Variants in AIG1 observed in about 807,000 individuals in gnomAD.
AIG1 encodes the protein androgen induced 1, also known as androgen-induced gene 1 protein.
AIG1 carries 23 observed loss-of-function variants against 31.4 expected under a neutral mutation model. The observed-to-expected ratio is 0.73, with a 90% confidence interval of 0.53 to 1.04. The LOEUF is 1.04. Among genes scored for constraint, AIG1 ranks in the 50% least tolerant of loss-of-function variants. AIG1 has a pLI of 0.00. For synonymous variants in AIG1, 100 were observed against 110.5 expected (o/e 0.90, Z 0.60); for missense variants, 274 against 295.0 (o/e 0.93, Z 0.52).
intron 1 of AIG1, chr6:143,094,089 C>T (rs1779539533): frequency 6.6e-6 from 1 of 152,284 alleles, no homozygotes; most frequent in Non-Finnish European, 1.5e-5. Flanking sequence ...GCCACAAAAC[C>T]TTTAATTTGT....
chr6:143,125,297 G>A (rs1782600903), intron 1 of AIG1, among the ~76,000 whole-genome samples: 1 of 152,168 alleles, frequency 6.6e-6, no homozygotes, highest in Admixed American at 6.5e-5. Flanking sequence ...AGCAAAAGGA[G>A]ATACTGCTAA....
At position 143,279,706 on chromosome 6, in the gene AIG1, G is replaced by T. The variant is rs914362934; in HGVS notation, c.400-4404G>T. Among the ~76,000 whole-genome samples, 2 of 152,168 alleles carry T rather than the reference G, an allele frequency of 1.3e-5. No individual in the cohort carries two copies. The highest frequency in any genetic ancestry group is 2.4e-5 in the African/African-American group (1 of 41,452). Reference sequence around the variant, plus strand: ...CGCTCCATCACGGGGGACCCACCAAGACCCCATTAAGAAAAGCACAAATGA... The same window carrying T: ...CGCTCCATCACGGGGGACCCACCAATACCCCATTAAGAAAAGCACAAATGA... On this transcript the variant is annotated intron_variant, in intron 3 of 5. Transcript: ENST00000357847. The surrounding 1 kb of genome is among the most constrained non-coding windows in gnomAD (Gnocchi z 5.4).
chr6:143,232,941 C>T (rs548222147), intron 3 of AIG1, among the ~76,000 whole-genome samples: 26 of 152,280 alleles, frequency 1.7e-4, no homozygotes, highest in Admixed American at 6.5e-4. Context: ...CTGGCCATGC[C>T]TCCTGTTTCT....
chr6:143,206,311 G>T (rs1165495263), intron 3 of AIG1, among the ~76,000 whole-genome samples: 1 of 152,168 alleles, frequency 6.6e-6, no homozygotes, highest in African/African-American at 2.4e-5. Context: ...TCTCAAGGTA[G>T]TTCTTAATCT....
chr6:143,136,286 A>G (rs933496231), intron 1 of AIG1, among the ~76,000 whole-genome samples: 1 of 152,164 alleles, frequency 6.6e-6, no homozygotes, highest in African/African-American at 2.4e-5. Flanking sequence ...TTTATGACTC[A>G]AGGACCCACT....
At chr6:143,308,855 G>A (rs1775020582) in intron 4 of AIG1, among the ~76,000 whole-genome samples, 1 of 152,004 alleles carries the variant, frequency 6.6e-6, no homozygotes, top group South Asian at 2.1e-4. Context: ...GCATTGTATG[G>A]CTTTCCCTTG....
At position 143,220,971 on chromosome 6, in the gene AIG1, T is replaced by A. The variant is rs1430888182; in HGVS notation, c.399+55788T>A. The stretch of plus-strand genomic sequence containing the variant: ...ACGTGGCCTAAGAATGGACTTGGGG[T>A]CTGGATATCACTAGTTTTTATTGTT... On this transcript the variant is annotated intron_variant, in intron 3 of 5. Transcript: ENST00000357847. 2.6e-5 allele frequency among the ~76,000 whole-genome samples: 4 copies of A among 152,104 alleles called. No homozygotes were observed. The East Asian group carries it at 7.7e-4, about 29-fold the overall frequency.
chr6:143,336,610 TG>T (rs1243436390), intron 5 of AIG1, among the ~76,000 whole-genome samples: 1 of 152,200 alleles, frequency 6.6e-6, no homozygotes, highest in Non-Finnish European at 1.5e-5. Flanking sequence ...AATTTGGAAG[TG>T]GGGGACAGAG....
At chr6:143,089,226 A>T (rs1779082335) in intron 1 of AIG1, among the ~76,000 whole-genome samples, 1 of 151,986 alleles carries the variant, frequency 6.6e-6, no homozygotes, top group Non-Finnish European at 1.5e-5. Flanking sequence ...GAAAAAAAAA[A>T]AGACTGCTTA....
chr6:143,082,386 CA>C (rs1778344783), intron 1 of AIG1, among the ~76,000 whole-genome samples: 1 of 152,178 alleles, frequency 6.6e-6, no homozygotes, highest in Admixed American at 6.5e-5. Flanking sequence ...TAGGTTTGAG[CA>C]ATTACTTGTT....
chr6:143,191,110 C>T lies in AIG1; in HGVS notation c.399+25927C>T, dbSNP rs73592276. 6.0e-3 allele frequency among the ~76,000 whole-genome samples: 911 copies of T among 152,186 alleles called. 10 individuals carry two copies. Among genetic ancestry groups the T allele is most frequent in the African/African-American group, 0.021 (860 of 41,506 alleles). On this transcript the variant is annotated intron_variant, in intron 3 of 5. Coordinates refer to ENST00000357847, the MANE Select transcript of AIG1 (RefSeq NM_016108.4). ...AGAACACAAAGTGAGGGAAGCTGTCCTGGTGATATCTAGATGTGAGCTGAA... is the reference window on the plus strand; with the variant it reads ...AGAACACAAAGTGAGGGAAGCTGTCTTGGTGATATCTAGATGTGAGCTGAA...
chr6:143,332,069 G>A (rs1014892299), intron 4 of AIG1, among the ~76,000 whole-genome samples: 17 of 151,616 alleles, frequency 1.1e-4, no homozygotes, highest in Non-Finnish European at 1.9e-4. Context: ...ATGGGGTTTC[G>A]CCATGTTGGC....
chr6:143,104,396 A>C (rs1780608607), intron 1 of AIG1, among the ~76,000 whole-genome samples: 1 of 152,128 alleles, frequency 6.6e-6, no homozygotes, highest in South Asian at 2.1e-4. Context: ...TAGTGAAGGG[A>C]TTCCTTTCTC....
chr6:143,060,593 AG>A, upstream of AIG1: 1 of 444,374 alleles, frequency 2.3e-6, no homozygotes, highest in Non-Finnish European at 4.7e-6. Context: ...TGGGATGCCT[AG>A]GGGGCGCCTC....
chr6:143,134,211 G>A (rs770312619), intron 1 of AIG1, among the ~76,000 whole-genome samples: 1 of 152,002 alleles, frequency 6.6e-6, no homozygotes, highest in Non-Finnish European at 1.5e-5. Flanking sequence ...TATTTGTACA[G>A]TTGAAGCCCT....
chr6:143,116,980 C>T (rs1032636026), intron 1 of AIG1, among the ~76,000 whole-genome samples: 5 of 152,014 alleles, frequency 3.3e-5, no homozygotes, highest in Non-Finnish European at 7.4e-5. Flanking sequence ...CGACAAGGAA[C>T]GAATCTCTGT....
At chr6:143,261,971 G>C (rs1330072405) in intron 3 of AIG1, among the ~76,000 whole-genome samples, 1 of 152,194 alleles carries the variant, frequency 6.6e-6, no homozygotes, top group African/African-American at 2.4e-5. Flanking sequence ...TTATCTTTCA[G>C]AAAGCATTTG....
chr6:143,306,084 C>G (rs1455177439), intron 4 of AIG1, among the ~76,000 whole-genome samples: 1 of 148,370 alleles, frequency 6.7e-6, no homozygotes, highest in Non-Finnish European at 1.5e-5. Context: ...CTTGGTAGAT[C>G]TTCCTCCATC....
At chr6:143,316,743 A>G (rs1030014028) in intron 4 of AIG1, among the ~76,000 whole-genome samples, 2 of 152,118 alleles carry the variant, frequency 1.3e-5, no homozygotes, top group African/African-American at 4.8e-5. Flanking sequence ...AGATAGATAA[A>G]ATTGATATAC....
Sources: gnomAD v4.1 joint callset for allele counts (sites outside exome capture counted in the v4.1 genomes callset) on GRCh38, gnomAD v4.1.1 for gene constraint, Gnocchi (gnomAD v3.1) non-coding constraint, MANE v1.5 for transcripts, NCBI Gene and HGNC (gene_info 2026-07-23, HGNC 2026-07-21) for gene names.